The following DNAAF9 variants were observed in gnomAD, a reference collection of about 807,000 sequenced individuals.
DNAAF9 encodes the protein shulin.
Under a neutral mutation model 167.0 loss-of-function variants are expected in DNAAF9, and 90 were observed. That is an observed-to-expected ratio of 0.54 (90% CI 0.45 to 0.64). The LOEUF (loss-of-function observed/expected upper bound fraction) is 0.64. Among genes scored for constraint, DNAAF9 ranks in the 30% least tolerant of loss-of-function variants. DNAAF9 has a pLI of 0.00. For missense variants in DNAAF9, 1,315 were observed against 1,442.2 expected (o/e 0.91, Z 1.43); for synonymous variants, 491 against 508.8 (o/e 0.96, Z 0.47).
At chr20:3,338,943 T>C (rs945181220) in intron 10 of DNAAF9, among the ~76,000 whole-genome samples, 1 of 152,068 alleles carries the variant, frequency 6.6e-6, no homozygotes, top group African/African-American at 2.4e-5. Flanking sequence ...TGTGAGCCAC[T>C]GTGCCCGGCT....
chr20:3,341,647 T>G (rs1056984856), intron 9 of DNAAF9, among the ~76,000 whole-genome samples: 1 of 152,208 alleles, frequency 6.6e-6, no homozygotes, highest in Non-Finnish European at 1.5e-5. Context: ...TTTTCTTCCA[T>G]CTTCATGGCC....
intron 10 of DNAAF9, 71 bp downstream of exon 10, chr20:3,340,433 T>TCCGGGGGGGGGCCCCCCCCCCCC: frequency 1.4e-5 from 3 of 221,214 alleles, no homozygotes; most frequent in Non-Finnish European, 1.9e-5. Context: ...TTTGTCTAGC[T>TCCGGGGGGGGGCCCCCCCCCCCC]CCCCCCACCC....
At chr20:3,309,657 C>T (rs888632413) in intron 20 of DNAAF9, among the ~76,000 whole-genome samples, 2 of 152,172 alleles carry the variant, frequency 1.3e-5, no homozygotes, top group Non-Finnish European at 2.9e-5. Flanking sequence ...TATCTCATAT[C>T]ACTTTCACAG....
At chr20:3,398,924 T>C (rs933551667) in intron 1 of DNAAF9, among the ~76,000 whole-genome samples, 1 of 152,160 alleles carries the variant, frequency 6.6e-6, no homozygotes, top group African/African-American at 2.4e-5. Flanking sequence ...TAACCTGCAA[T>C]GGAAAAAAGC....
chr20:3,291,628 C>T (rs2068955954), intron 25 of DNAAF9, among the ~76,000 whole-genome samples: 1 of 152,300 alleles, frequency 6.6e-6, no homozygotes, highest in South Asian at 2.1e-4. Flanking sequence ...CAGGCGTGAG[C>T]CACCAGCCCA....
In DNAAF9 at chr20:3,350,156, GACACACAC is replaced by G. The variant is rs35251429; in HGVS notation, c.691-1541_691-1534del. Among the ~76,000 whole-genome samples, 51 of 89,954 alleles carry G rather than the reference GACACACAC, an allele frequency of 5.7e-4. 1 individual carries two copies. The highest frequency in any genetic ancestry group is 5.7e-3 in the Middle Eastern group (1 of 174). 59.0% of individuals were successfully genotyped at this position (89,954 alleles called of 152,430 possible). On this transcript the variant is annotated intron_variant, in intron 7 of 36. Coordinates refer to ENST00000252032, the MANE Select transcript of DNAAF9 (RefSeq NM_001009984.3). ...AGACACACAGACACACAGACACACA[GACACACAC>G]ACACACACACACACACACACACACA...
intron 1 of DNAAF9, among the ~76,000 whole-genome samples, chr20:3,384,994 T>G (rs1344701694): frequency 1.3e-5 from 2 of 152,030 alleles, no homozygotes; most frequent in Non-Finnish European, 2.9e-5. Context: ...CCTGAAAATG[T>G]GTGTCTCTAT....
intron 30 of DNAAF9, among the ~76,000 whole-genome samples, chr20:3,266,555 G>A (rs554342479): frequency 6.6e-6 from 1 of 152,264 alleles, no homozygotes; most frequent in Non-Finnish European, 1.5e-5. Flanking sequence ...TCGGCCCACT[G>A]CAAGCTCCGC....
intron 10 of DNAAF9, among the ~76,000 whole-genome samples, chr20:3,337,444 T>TTTG (rs1555793649): frequency 4.0e-5 from 6 of 150,588 alleles, no homozygotes; most frequent in South Asian, 2.1e-4. Context: ...TTTTTTGTTT[T>TTTG]TTTTTTTTTT....
chr20:3,375,190 C>T (rs2083559489), intron 4 of DNAAF9, 64 bp from the exon 5 acceptor site: 4 of 1,035,414 alleles, frequency 3.9e-6, no homozygotes, highest in Middle Eastern at 2.2e-4. Flanking sequence ...CCCATATTTT[C>T]TCTGCATTTT....
chr20:3,296,953 A>C lies in DNAAF9; in HGVS notation c.1930-4T>G. 1.3e-6 allele frequency: 2 copies of C among 1,568,456 alleles called. No individual in the cohort carries two copies. Among genetic ancestry groups the C allele is most frequent in the Non-Finnish European group, 1.8e-6 (2 of 1,139,070 alleles). On this transcript the variant is annotated splice_region_variant and splice_polypyrimidine_tract_variant and intron_variant, in intron 22 of 36. Coordinates refer to ENST00000252032, the MANE Select transcript of DNAAF9 (RefSeq NM_001009984.3). The stretch of plus-strand genomic sequence containing the variant: ...GCTGTTTCCAGAGGGAGAAGACCTA[A>C]ACAAAACAGAATTTGAGCAAAGAAC...
chr20:3,332,387 A>G, intron 10 of DNAAF9, 26 bp from the exon 11 acceptor site: 2 of 1,229,042 alleles, frequency 1.6e-6, no homozygotes, highest in Non-Finnish European at 1.2e-6. Flanking sequence ...AAATAAAAAT[A>G]AAAAGGGGCA....
rs765880251 is a variant in DNAAF9, at chr20:3,252,695, A to G, written c.3422-11T>C. On this transcript the variant is annotated splice_polypyrimidine_tract_variant and intron_variant, in intron 36 of 36. Coordinates refer to ENST00000252032, the MANE Select transcript of DNAAF9 (RefSeq NM_001009984.3). ...TGAACTGGTCCATGACTGGTATCTC[A>G]TTAAGGAAGAGAGCTCTGAGCCTGG... 10 of 1,461,748 alleles carry G rather than the reference A, an allele frequency of 6.8e-6. No homozygotes were observed. The highest frequency in any genetic ancestry group is 1.4e-5 in the African/African-American group (1 of 71,728). 90.5% of individuals were successfully genotyped at this position (1,461,748 alleles called of 1,614,324 possible).
intron 29 of DNAAF9, among the ~76,000 whole-genome samples, chr20:3,276,070 C>T (rs930264757): frequency 1.3e-5 from 2 of 152,156 alleles, no homozygotes; most frequent in East Asian, 3.8e-4. Flanking sequence ...TGTCTTGGGG[C>T]TGCAACATAG....
intron 1 of DNAAF9, among the ~76,000 whole-genome samples, chr20:3,385,009 C>T (rs924297715): frequency 1.3e-5 from 2 of 150,510 alleles, no homozygotes; most frequent in African/African-American, 4.9e-5. Flanking sequence ...CTCTATTATG[C>T]ATCAATTAAA....
At chr20:3,328,382 A>C (rs1437516381) in intron 12 of DNAAF9, among the ~76,000 whole-genome samples, 1 of 151,958 alleles carries the variant, frequency 6.6e-6, no homozygotes, top group Non-Finnish European at 1.5e-5. Context: ...GGGTTTCACC[A>C]TCTTGGCCAG....
intron 20 of DNAAF9, among the ~76,000 whole-genome samples, chr20:3,311,764 G>A (rs1217068852): frequency 6.6e-6 from 1 of 152,218 alleles, no homozygotes; most frequent in Non-Finnish European, 1.5e-5. Flanking sequence ...ATATAGGCAT[G>A]TGTGGTAAAA....
chr20:3,390,826 T>C (rs2083816983), intron 1 of DNAAF9, among the ~76,000 whole-genome samples: 1 of 152,232 alleles, frequency 6.6e-6, no homozygotes, highest in Non-Finnish European at 1.5e-5. Context: ...TCCCCACTTT[T>C]TCATGTTTAA....
At chr20:3,346,354 G>C (rs1309903189) in intron 8 of DNAAF9, among the ~76,000 whole-genome samples, 3 of 152,068 alleles carry the variant, frequency 2.0e-5, no homozygotes, top group African/African-American at 7.2e-5. Context: ...TAAGCGCTGA[G>C]TTATTTACTA....
Sources: gnomAD v4.1 joint callset for allele counts (sites outside exome capture counted in the v4.1 genomes callset) on GRCh38, gnomAD v4.1.1 for gene constraint, MANE v1.5 for transcripts, NCBI Gene and HGNC (gene_info 2026-07-23, HGNC 2026-07-21) for gene names.